PRR16: variants seen among roughly 807,000 people sequenced by gnomAD.
PRR16 encodes protein Largen.
Under a neutral mutation model 18.2 loss-of-function variants are expected in PRR16, and 6 were observed. That is an observed-to-expected ratio of 0.33 (90% CI 0.18 to 0.65). The LOEUF is 0.65. PRR16 is among the 30% of genes least tolerant of loss of function. The pLI is 0.74. For missense variants in PRR16, 412 were observed against 376.6 expected, an observed-to-expected ratio of 1.09 and a Z score of -0.78; for synonymous variants, 151 against 147.8, an observed-to-expected ratio of 1.02 and a Z score of -0.16.
At chr5:120,499,999 A>G (rs920453095) in intron 1 of PRR16, among the ~76,000 whole-genome samples, 2 of 152,048 alleles carry the variant, frequency 1.3e-5, no homozygotes, top group South Asian at 4.1e-4. Flanking sequence ...TTTTTTGAGT[A>G]TTAACCTCCA....
the PRR16 span, among the ~76,000 whole-genome samples, chr5:120,703,414 C>A: frequency 6.6e-6 from 1 of 152,172 alleles, no homozygotes; most frequent in Admixed American, 6.5e-5. Context: ...GCCTGACATA[C>A]ATCAAATTTA....
the PRR16 span, among the ~76,000 whole-genome samples, chr5:120,785,433 C>T: frequency 2.2e-3 from 337 of 152,030 alleles, 2 homozygotes; most frequent in Middle Eastern, 0.027. Flanking sequence ...GCTTTGACTG[C>T]CTTTCATTTT....
chr5:120,487,419 G>A (rs1379743779), intron 1 of PRR16, among the ~76,000 whole-genome samples: 5 of 152,124 alleles, frequency 3.3e-5, no homozygotes, highest in Admixed American at 2.6e-4. Context: ...ATTGTGAATG[G>A]GCGTTCACTC....
the PRR16 span, among the ~76,000 whole-genome samples, chr5:120,773,345 T>C: frequency 2.0e-5 from 3 of 152,144 alleles, no homozygotes; most frequent in South Asian, 2.1e-4. Flanking sequence ...TGAGTTTGTT[T>C]TGAATGTTTC....
At chr5:120,754,226 A>ATAATT in the PRR16 span, among the ~76,000 whole-genome samples, 3 of 61,978 alleles carry the variant, frequency 4.8e-5, no homozygotes, top group East Asian at 2.5e-3. Context: ...TATAATATAT[A>ATAATT]ATATAATATA....
At chr5:120,490,451 T>C (rs574520898) in intron 1 of PRR16, among the ~76,000 whole-genome samples, 2 of 152,356 alleles carry the variant, frequency 1.3e-5, no homozygotes, top group South Asian at 4.1e-4. Flanking sequence ...AATCAGCTAC[T>C]GAGGCTTGTG....
At chr5:120,708,665 A>C in the PRR16 span, among the ~76,000 whole-genome samples, 2 of 152,192 alleles carry the variant, frequency 1.3e-5, no homozygotes, top group Non-Finnish European at 2.9e-5. Context: ...ACATTAAAGA[A>C]AGATATTTGT....
intron 1 of PRR16, among the ~76,000 whole-genome samples, chr5:120,639,241 TATA>T (rs757382166): frequency 5.3e-5 from 8 of 152,142 alleles, no homozygotes; most frequent in South Asian, 2.1e-4. Flanking sequence ...TTTTTGTGAT[TATA>T]ATTTGTTTAA....
At chr5:120,679,895 T>C (rs1756919671) in intron 1 of PRR16, among the ~76,000 whole-genome samples, 1 of 152,114 alleles carries the variant, frequency 6.6e-6, no homozygotes, top group Admixed American at 6.5e-5. Context: ...ATAGCAAATA[T>C]GTGGGATGAA....
At chr5:120,520,541 C>G (rs1177861437) in intron 1 of PRR16, among the ~76,000 whole-genome samples, 4 of 152,184 alleles carry the variant, frequency 2.6e-5, no homozygotes, top group Non-Finnish European at 5.9e-5. Flanking sequence ...GTGAGAGAAA[C>G]TCTTTATTCA....
At chr5:120,468,645 CTTTTA>C (rs1400186289) in intron 1 of PRR16, among the ~76,000 whole-genome samples, 1 of 152,146 alleles carries the variant, frequency 6.6e-6, no homozygotes, top group Non-Finnish European at 1.5e-5. Flanking sequence ...TATGCCTGTT[CTTTTA>C]TGAAGATCTC....
chr5:120,601,909 G>A (rs1282245693), intron 1 of PRR16, among the ~76,000 whole-genome samples: 1 of 151,670 alleles, frequency 6.6e-6, no homozygotes, highest in African/African-American at 2.4e-5. Flanking sequence ...CTGTAACCTG[G>A]TCCATTTATC....
chr5:120,565,572 A>C (rs917849401), intron 1 of PRR16, among the ~76,000 whole-genome samples: 1 of 152,210 alleles, frequency 6.6e-6, no homozygotes, highest in African/African-American at 2.4e-5. Context: ...AATCATACAT[A>C]ATTGAAATAA....
chr5:120,563,224 G>A (rs78183835), intron 1 of PRR16, among the ~76,000 whole-genome samples: 4,685 of 152,260 alleles, frequency 0.031, 96 homozygotes, highest in Non-Finnish European at 0.044. Context: ...TCTCACCAAG[G>A]CCTGCTGTAA....
intron 1 of PRR16, among the ~76,000 whole-genome samples, chr5:120,673,124 C>T (rs1268522695): frequency 1.3e-5 from 2 of 152,320 alleles, no homozygotes; most frequent in African/African-American, 4.8e-5. Context: ...GTAAAAACCT[C>T]ATTTACTAAA....
At chr5:120,596,859 A>G (rs984543372) in intron 1 of PRR16, among the ~76,000 whole-genome samples, 5 of 150,612 alleles carry the variant, frequency 3.3e-5, no homozygotes, top group Non-Finnish European at 4.4e-5. Flanking sequence ...TGTATTTGTG[A>G]AAAAAAAATT....
At chr5:120,576,524 G>A (rs971440286) in intron 1 of PRR16, among the ~76,000 whole-genome samples, 1 of 152,156 alleles carries the variant, frequency 6.6e-6, no homozygotes, top group Non-Finnish European at 1.5e-5. Flanking sequence ...ACAGGTGTTG[G>A]TGAGGATGTG....
chr5:120,522,837 C>T (rs150305994), intron 1 of PRR16, among the ~76,000 whole-genome samples: 1,627 of 152,200 alleles, frequency 0.011, 31 homozygotes, highest in African/African-American at 0.038. Flanking sequence ...AGGATGGTCT[C>T]GATCTCCTGA....
the PRR16 span, among the ~76,000 whole-genome samples, chr5:120,779,215 G>A: frequency 1.3e-5 from 2 of 152,200 alleles, no homozygotes; most frequent in Admixed American, 6.5e-5. Flanking sequence ...GGCTGCAACA[G>A]TTTCTGTAAG....
Sources: gnomAD v4.1 joint callset for allele counts (sites outside exome capture counted in the v4.1 genomes callset) on GRCh38, gnomAD v4.1.1 for gene constraint, MANE v1.5 for transcripts, NCBI Gene and HGNC (gene_info 2026-07-23, HGNC 2026-07-21) for gene names.